ELFN2: variants seen among roughly 807,000 people sequenced by gnomAD.
ELFN2 encodes extracellular leucine rich repeat and fibronectin type III domain containing 2.
ELFN2 carries 17 observed loss-of-function variants against 45.5 expected under a neutral mutation model. The ratio of observed to expected loss-of-function variants is 0.37; its 90% CI spans 0.26 to 0.56. The LOEUF (loss-of-function observed/expected upper bound fraction) is 0.56. Among genes scored for constraint, ELFN2 ranks in the 20% least tolerant of loss-of-function variants. ELFN2 has a pLI of 0.77. For synonymous variants in ELFN2, 550 were observed against 551.5 expected (o/e 1.00, Z 0.04); for missense variants, 922 against 1,183.2 (o/e 0.78, Z 3.24).
intron 1 of ELFN2, among the ~76,000 whole-genome samples, chr22:37,345,863 A>G (rs1178468166): frequency 6.6e-6 from 1 of 151,728 alleles, no homozygotes; most frequent in African/African-American, 2.4e-5. Flanking sequence ...CCTTGCTTTT[A>G]CCCTTGGCAG....
chr22:37,405,698 C>T (rs1223573997), intron 2 of ELFN2, among the ~76,000 whole-genome samples: 1 of 152,084 alleles, frequency 6.6e-6, no homozygotes, highest in Non-Finnish European at 1.5e-5. Context: ...GCCCAAATAG[C>T]CCCCTTAGCC....
At chr22:37,401,717 C>T (rs566877027) in intron 2 of ELFN2, among the ~76,000 whole-genome samples, 1 of 152,190 alleles carries the variant, frequency 6.6e-6, no homozygotes, top group Non-Finnish European at 1.5e-5. Flanking sequence ...CAAGCCGGCC[C>T]GGCAGCCCTC....
intron 2 of ELFN2, among the ~76,000 whole-genome samples, chr22:37,400,046 C>A (rs1932323675): frequency 6.6e-6 from 1 of 152,162 alleles, no homozygotes; most frequent in Non-Finnish European, 1.5e-5. Context: ...CCCTCCCTGC[C>A]TCCAAAGGCC....
At chr22:37,367,802 G>A (rs8135834), downstream of ELFN2, among the ~76,000 whole-genome samples, 4,656 of 152,142 alleles carry the variant, frequency 0.031, 137 homozygotes, top group Middle Eastern at 0.11. Flanking sequence ...CTGGCAGACC[G>A]CCTTCTTTTT....
In ELFN2 at chr22:37,349,759, T is replaced by C. The variant is rs1034663497; in HGVS notation, n.149-7056A>G. Among the ~76,000 whole-genome samples the C allele has an allele frequency of 9.3e-5, 14 of 151,334 alleles. No individual in the cohort carries two copies. The South Asian group carries it at 1.7e-3, about 18-fold the overall frequency. Reference sequence around the variant, plus strand: ...CTCCAGCCCAGGACATTCCAGCTTCTGCTTTCAAGATGGGGTTGTGCCCAC... The same window carrying C: ...CTCCAGCCCAGGACATTCCAGCTTCCGCTTTCAAGATGGGGTTGTGCCCAC... On this transcript the variant is annotated intron_variant and non_coding_transcript_variant, in intron 1 of 2. Coordinates refer to ENST00000452946, the Ensembl canonical transcript of ELFN2.
chr22:37,343,212 T>C (rs1446988917), intron 1 of ELFN2, among the ~76,000 whole-genome samples: 1 of 152,078 alleles, frequency 6.6e-6, no homozygotes, highest in East Asian at 1.9e-4. Context: ...CCCAGCTCCT[T>C]CCTCTGGCCA....
chr22:37,416,879 G>C (rs1311881143), intron 2 of ELFN2, among the ~76,000 whole-genome samples: 1 of 152,080 alleles, frequency 6.6e-6, no homozygotes, highest in East Asian at 1.9e-4. Flanking sequence ...CCAACACCTG[G>C]ACAGCCACAG....
At chr22:37,413,044 T>C (rs1425905952) in intron 2 of ELFN2, among the ~76,000 whole-genome samples, 1 of 152,154 alleles carries the variant, frequency 6.6e-6, no homozygotes, top group Non-Finnish European at 1.5e-5. Context: ...GTTTGGTCGT[T>C]TGCAACCGGG....
chr22:37,405,599 C>A (rs562621426), intron 2 of ELFN2, among the ~76,000 whole-genome samples: 1 of 152,138 alleles, frequency 6.6e-6, no homozygotes, highest in Admixed American at 6.5e-5. Flanking sequence ...TGTGCTGATG[C>A]CCGAATAAGA....
intron 2 of ELFN2, among the ~76,000 whole-genome samples, chr22:37,388,993 T>C (rs951475167): frequency 6.6e-6 from 1 of 151,238 alleles, no homozygotes; most frequent in African/African-American, 2.4e-5. Context: ...CAGGGGGAGG[T>C]AGTGGGAGAA....
At chr22:37,342,364 C>G (rs971843215) in intron 2 of ELFN2, among the ~76,000 whole-genome samples, 1 of 152,178 alleles carries the variant, frequency 6.6e-6, no homozygotes, top group Non-Finnish European at 1.5e-5. Flanking sequence ...TCTAGCAGCA[C>G]CTGTTCCCCA....
At chr22:37,426,947 G>C (rs1315309578) in intron 1 of ELFN2, 1 of 152,218 alleles carries the variant, frequency 6.6e-6, no homozygotes, top group African/African-American at 2.4e-5. Flanking sequence ...TCGAAAAGAT[G>C]AGGGCAGAGA....
At chr22:37,352,948 A>G (rs1191268593) in intron 1 of ELFN2, among the ~76,000 whole-genome samples, 1 of 150,792 alleles carries the variant, frequency 6.6e-6, no homozygotes, top group African/African-American at 2.4e-5. Context: ...AGTTAAGAGG[A>G]TGCTACAGTG....
rs1931381238 is a variant in ELFN2 at position 37,371,988 on chromosome 22, C to G, written c.*1084G>C. The stretch of plus-strand genomic sequence containing the variant: ...GGGGTCGGGCAGGTGGGGACACAGG[C>G]CATGGGGACAGGCAGGAAGTCCCCC... On this transcript the variant is annotated 3_prime_UTR_variant, in exon 3 of 3. Transcript: ENST00000402918. The surrounding 1 kb of genome is among the most constrained non-coding windows in gnomAD (Gnocchi z 6.4). 1 of 152,328 alleles carries G rather than the reference C, an allele frequency of 6.6e-6. No individual in the cohort carries two copies. Among genetic ancestry groups the G allele is most frequent in the Non-Finnish European group, 1.5e-5 (1 of 68,100 alleles). 9.4% of individuals were successfully genotyped at this position (152,328 alleles called of 1,614,324 possible).
chr22:37,357,032 T>C (rs1930967694), intron 1 of ELFN2, among the ~76,000 whole-genome samples: 1 of 152,208 alleles, frequency 6.6e-6, no homozygotes, highest in African/African-American at 2.4e-5. Flanking sequence ...AGAGCTGGCA[T>C]GTCAGCTCTA....
chr22:37,404,052 G>C (rs1033622285), intron 2 of ELFN2, among the ~76,000 whole-genome samples: 9 of 152,246 alleles, frequency 5.9e-5, no homozygotes, highest in Non-Finnish European at 1.2e-4. Context: ...GTGGTACCCA[G>C]AAGGTGGCAC....
rs947856783 is a variant in ELFN2 at position 37,348,713 on chromosome 22, G to A, written n.149-6010C>T. Among the ~76,000 whole-genome samples, 48 of 150,848 alleles carry A rather than the reference G, an allele frequency of 3.2e-4. 2 individuals carry two copies. The highest frequency in any genetic ancestry group is 2.9e-3 in the Admixed American group (44 of 15,178). On this transcript the variant is annotated intron_variant and non_coding_transcript_variant, in intron 1 of 2. Coordinates refer to ENST00000452946, the Ensembl canonical transcript of ELFN2. The stretch of plus-strand genomic sequence containing the variant: ...TTCCCTCTCTCTGTCCTCAGCTCCC[G>A]GGGCCCACCAATCTGTGTCCTATCT...
chr22:37,359,032 A>G (rs539678381), intron 1 of ELFN2, among the ~76,000 whole-genome samples: 27 of 152,168 alleles, frequency 1.8e-4, no homozygotes, highest in Middle Eastern at 3.4e-3. Flanking sequence ...ACATATATCC[A>G]TATGTTGGTA....
chr22:37,344,658 C>T (rs981800964), intron 1 of ELFN2, among the ~76,000 whole-genome samples: 2 of 152,188 alleles, frequency 1.3e-5, no homozygotes, highest in East Asian at 3.9e-4. Flanking sequence ...TCTCTACCCC[C>T]CTTCCACAAG....
Sources: gnomAD v4.1 joint callset for allele counts (sites outside exome capture counted in the v4.1 genomes callset) on GRCh38, gnomAD v4.1.1 for gene constraint, Gnocchi (gnomAD v3.1) non-coding constraint, MANE v1.5 for transcripts, NCBI Gene and HGNC (gene_info 2026-07-23, HGNC 2026-07-21) for gene names.